CEP128: variants seen among roughly 807,000 people sequenced by gnomAD.
CEP128 encodes centrosomal protein 128.
Under a neutral mutation model 156.7 loss-of-function variants are expected in CEP128, and 132 were observed. The observed-to-expected ratio is 0.84, with a 90% CI of 0.73 to 0.97. CEP128 has a LOEUF of 0.97. Among genes scored for constraint, CEP128 ranks in the 50% least tolerant of loss-of-function variants. The pLI, the probability that CEP128 is intolerant of heterozygous loss-of-function variation, is 0.00. For synonymous variants in CEP128, 469 were observed against 448.9 expected (o/e 1.04, Z -0.57); for missense variants, 1,252 against 1,281.9 (o/e 0.98, Z 0.36).
chr14:80,702,587 T>C (rs898678288), intron 19 of CEP128, among the ~76,000 whole-genome samples: 7 of 152,182 alleles, frequency 4.6e-5, no homozygotes, highest in African/African-American at 1.7e-4. Flanking sequence ...TATCAGTTCA[T>C]TTGATACAAC....
intron 2 of CEP128, among the ~76,000 whole-genome samples, chr14:80,956,149 A>G (rs1886667114): frequency 6.6e-6 from 1 of 152,192 alleles, no homozygotes; most frequent in South Asian, 2.1e-4. Flanking sequence ...ACTTTGCCTA[A>G]CCCTGGTTGA....
At chr14:80,592,935 G>A (rs561915960) in intron 19 of CEP128, among the ~76,000 whole-genome samples, 6 of 152,104 alleles carry the variant, frequency 3.9e-5, no homozygotes, top group Admixed American at 1.3e-4. Context: ...AAAGGACTTC[G>A]ACAAAATTCA....
intron 19 of CEP128, among the ~76,000 whole-genome samples, chr14:80,658,073 C>T (rs768281762): frequency 1.3e-5 from 2 of 151,912 alleles, no homozygotes; most frequent in Non-Finnish European, 2.9e-5. Context: ...AATGCTATCA[C>T]CACAGTAAAG....
intron 18 of CEP128, among the ~76,000 whole-genome samples, chr14:80,751,197 A>G (rs1363727582): frequency 6.6e-6 from 1 of 152,244 alleles, no homozygotes; most frequent in Non-Finnish European, 1.5e-5. Flanking sequence ...GATTAATATA[A>G]TATGACCTAT....
At position 80,561,378 on chromosome 14, in the gene CEP128, C is replaced by A. The variant is rs551882338; in HGVS notation, c.2857-2076G>T. On this transcript the variant is annotated intron_variant, in intron 20 of 24. Coordinates refer to ENST00000555265, the MANE Select transcript of CEP128 (RefSeq NM_152446.5). ...ACATTTGAGCACTTCATAATAAATG[C>A]GTATGATGCCTCAAGGGGGCTTTGA... is the stretch of plus-strand genomic sequence containing the variant. 9.2e-5 allele frequency among the ~76,000 whole-genome samples: 14 copies of A among 152,228 alleles called. No homozygotes were observed. The South Asian group carries it at 2.7e-3, about 29-fold the overall frequency.
intron 2 of CEP128, among the ~76,000 whole-genome samples, chr14:80,932,558 C>T (rs1160196730): frequency 6.6e-6 from 1 of 152,112 alleles, no homozygotes; most frequent in Non-Finnish European, 1.5e-5. Flanking sequence ...TCTGCAGTGA[C>T]AGCAACAAAA....
At chr14:80,830,441 G>A (rs1437525949) in intron 13 of CEP128, 1 of 383,028 alleles carries the variant, frequency 2.6e-6, no homozygotes, top group East Asian at 3.8e-5. Context: ...CAGATACAGG[G>A]AGGATTGATA....
At chr14:80,551,125 C>T (rs899232177) in intron 21 of CEP128, among the ~76,000 whole-genome samples, 1 of 152,124 alleles carries the variant, frequency 6.6e-6, no homozygotes, top group Non-Finnish European at 1.5e-5. Flanking sequence ...TTTTAATAAT[C>T]TATCAGCCCT....
At chr14:80,638,417 A>T (rs1320271857) in intron 19 of CEP128, among the ~76,000 whole-genome samples, 1 of 152,066 alleles carries the variant, frequency 6.6e-6, no homozygotes, top group Admixed American at 6.5e-5. Flanking sequence ...TGTCCCTCAA[A>T]CTGTGCACGA....
chr14:80,629,977 A>G (rs11159468), intron 19 of CEP128, among the ~76,000 whole-genome samples: 97,922 of 151,766 alleles, frequency 0.65, 33,386 homozygotes, highest in Non-Finnish European at 0.75. Flanking sequence ...GAATTCATGT[A>G]GCTTGTAAGT....
At chr14:80,828,123 C>CCT (rs1555352930) in intron 13 of CEP128, among the ~76,000 whole-genome samples, 3 of 126,970 alleles carry the variant, frequency 2.4e-5, no homozygotes, top group African/African-American at 9.4e-5. Context: ...CTTCTTTTTT[C>CCT]TTTTTTTTTT....
At position 80,831,201 on chromosome 14, in the gene CEP128, A is replaced by C. The variant is rs746816868; in HGVS notation, c.1151T>G (p.Val384Gly). 5 of 1,614,004 alleles carry C rather than the reference A, an allele frequency of 3.1e-6. No homozygotes were observed. In the African/African-American group the frequency reaches 6.7e-5, roughly 22 times the overall value. ...GTCTTTTCTCTCCATGCACCGTTTC[A>C]CTTCCTCTAACTCAGATGCCATTGC... ...FSAMASELEE[V>G]KRCMERKDKE... Residue 384 changes from valine to glycine, a missense_variant, in exon 13 of 25, where the codon GTG becomes GGG. Val to Gly is a moderately radical substitution (Grantham distance 109, BLOSUM62 -3). Transcript: ENST00000555265.
chr14:80,478,634 T>C (rs1275920755), intron 14 of CEP128, among the ~76,000 whole-genome samples: 1 of 152,126 alleles, frequency 6.6e-6, no homozygotes, highest in African/African-American at 2.4e-5. Context: ...TGAATGAAAA[T>C]GATAATAATA....
At chr14:80,542,141 T>C (rs917184138) in intron 21 of CEP128, among the ~76,000 whole-genome samples, 1 of 152,230 alleles carries the variant, frequency 6.6e-6, no homozygotes, top group Non-Finnish European at 1.5e-5. Flanking sequence ...ATCCTTAGTA[T>C]TTCCTATGTG....
chr14:80,762,621 C>T (rs1900026837), intron 16 of CEP128, among the ~76,000 whole-genome samples: 1 of 152,180 alleles, frequency 6.6e-6, no homozygotes, highest in South Asian at 2.1e-4. Context: ...CATCCTCTGC[C>T]AGGAAAGACA....
intron 8 of CEP128, among the ~76,000 whole-genome samples, chr14:80,886,981 C>G (rs1381816597): frequency 1.3e-5 from 2 of 152,148 alleles, no homozygotes; most frequent in South Asian, 2.1e-4. Context: ...GGGTTGCAAT[C>G]CTAGTCTCTG....
intron 23 of CEP128, among the ~76,000 whole-genome samples, chr14:80,522,274 C>G (rs986661561): frequency 1.3e-5 from 2 of 152,104 alleles, no homozygotes; most frequent in African/African-American, 4.8e-5. Context: ...ACTTGAACAG[C>G]CATTAATTGC....
At chr14:80,615,828 A>T (rs1893186200) in intron 19 of CEP128, among the ~76,000 whole-genome samples, 2 of 152,012 alleles carry the variant, frequency 1.3e-5, no homozygotes, top group South Asian at 4.1e-4. Flanking sequence ...AGCCTGGGCA[A>T]CAAGAGTAAA....
At chr14:80,667,813 G>A (rs1895683420) in intron 19 of CEP128, among the ~76,000 whole-genome samples, 1 of 141,984 alleles carries the variant, frequency 7.0e-6, no homozygotes. Flanking sequence ...AGCCTAGATT[G>A]CGCCACTGCA....
Sources: allele counts gnomAD v4.1 joint callset (sites outside exome capture counted in the v4.1 genomes callset), GRCh38; gene constraint gnomAD v4.1.1; transcripts MANE v1.5; gene names NCBI Gene and HGNC (gene_info 2026-07-23, HGNC 2026-07-21).